The following FYTTD1 variants were observed in gnomAD, a reference collection of about 807,000 sequenced individuals.
FYTTD1 encodes the protein forty-two-three domain containing 1, also known as UAP56-interacting factor.
FYTTD1 carries 22 observed loss-of-function variants against 40.9 expected under a neutral mutation model. The observed-to-expected ratio is 0.54, with a 90% CI of 0.38 to 0.77. The LOEUF is 0.77. Ranked by LOEUF, FYTTD1 falls within the 30% of genes least tolerant of loss-of-function variation. The pLI is 0.00. For missense variants in FYTTD1, 351 were observed against 392.2 expected (o/e 0.90, Z 0.89); for synonymous variants, 140 against 137.9 (o/e 1.01, Z -0.10).
At chr3:197,765,553 A>T (rs906605507) in intron 2 of FYTTD1, among the ~76,000 whole-genome samples, 1 of 152,052 alleles carries the variant, frequency 6.6e-6, no homozygotes, top group East Asian at 1.9e-4. Flanking sequence ...GGGCAGCAAT[A>T]ATTTGATTTA....
At chr3:197,756,286 A>AT (rs1729211419) in intron 1 of FYTTD1, 140 bp from the exon 2 acceptor site, 1 of 663,382 alleles carries the variant, frequency 1.5e-6, no homozygotes, top group Admixed American at 2.8e-5. Flanking sequence ...AAAATGGCTG[A>AT]TTCTTGTTAT....
Position 197,750,092 on chromosome 3 carries a change from A to G in FYTTD1, c.103+18A>G. The G allele has an allele frequency of 6.5e-7, 1 of 1,543,758 alleles. No individual in the cohort carries two copies. Among genetic ancestry groups the G allele is most frequent in the Non-Finnish European group, 8.8e-7 (1 of 1,141,038 alleles). ...GTCTTTGGGTGAGGGGCCGAGTTGG[A>G]CCGAGTTGGAGTGCGGGGGAGGGCG... On this transcript the variant is annotated intron_variant, in intron 1 of 8. Transcript: ENST00000241502.
intron 6 of FYTTD1, 43 bp downstream of exon 6, chr3:197,774,253 C>G: frequency 6.8e-7 from 1 of 1,467,378 alleles, no homozygotes; most frequent in African/African-American, 1.4e-5. Context: ...TCAAAACTCC[C>G]AGAATACTAA....
chr3:197,774,492 G>C (rs1053330464), intron 6 of FYTTD1, among the ~76,000 whole-genome samples: 2 of 148,778 alleles, frequency 1.3e-5, no homozygotes, highest in African/African-American at 5.0e-5. Flanking sequence ...CGATGCCACT[G>C]CACACCAGCC....
intron 2 of FYTTD1, among the ~76,000 whole-genome samples, chr3:197,761,613 G>C (rs568028184): frequency 2.0e-5 from 3 of 152,324 alleles, no homozygotes; most frequent in African/African-American, 7.2e-5. Context: ...AGAATGTATA[G>C]AGTTGTTCTT....
rs1730127302 is a variant in FYTTD1 at position 197,785,170 on chromosome 3, T to C, written c.*3261T>C. 1 of 152,236 alleles carries C rather than the reference T, an allele frequency of 6.6e-6. No individual in the cohort carries two copies. Among genetic ancestry groups the C allele is most frequent in the African/African-American group, 2.4e-5 (1 of 41,466 alleles). 9.4% of individuals were successfully genotyped at this position (152,236 alleles called of 1,614,324 possible). A position where few individuals can be genotyped will look rare whatever the true frequency, so the allele number is the denominator to read the frequency against. On this transcript the variant is annotated 3_prime_UTR_variant, in exon 9 of 9. Transcript: ENST00000241502. ...ACCTGTTAGAAAAGTCCAGTGTTCC[T>C]AATCAGATATGCATTTTTTAAAAAC...
At chr3:197,769,842 C>A (rs1413284466) in intron 3 of FYTTD1, among the ~76,000 whole-genome samples, 1 of 151,858 alleles carries the variant, frequency 6.6e-6, no homozygotes, top group African/African-American at 2.4e-5. Flanking sequence ...CCCTGAGCAC[C>A]TCACATATTT....
upstream of FYTTD1, chr3:197,749,823 C>A: frequency 2.1e-6 from 1 of 487,290 alleles, no homozygotes; most frequent in Non-Finnish European, 3.5e-6. Context: ...TCGGTGGCCC[C>A]GCCCCGCCCG....
At chr3:197,769,949 G>A (rs1729667493) in intron 3 of FYTTD1, among the ~76,000 whole-genome samples, 183 bp from the exon 4 acceptor site, 1 of 152,140 alleles carries the variant, frequency 6.6e-6, no homozygotes, top group African/African-American at 2.4e-5. Context: ...TAAATATAAT[G>A]TGGGGTTTTC....
rs755018269 is a variant in FYTTD1 at position 197,786,892 on chromosome 3, G to T, written c.*4983G>T. The stretch of plus-strand genomic sequence containing the variant: ...GCCTCTGCCTCCCAGGATCCTTTCC[G>T]GGTTCAAGCAATTCTTGTCCCTCAG... On this transcript the variant is annotated 3_prime_UTR_variant, in exon 9 of 9. Transcript: ENST00000241502. 1 of 150,302 alleles carries T rather than the reference G, an allele frequency of 6.7e-6. No homozygotes were observed. The highest frequency in any genetic ancestry group is 1.5e-5 in the Non-Finnish European group (1 of 67,658). The allele number at this position is 150,302 out of a possible 1,614,324, so 9.3% of individuals were successfully genotyped here.
chr3:197,760,359 A>G (rs972677906), intron 2 of FYTTD1, among the ~76,000 whole-genome samples: 1 of 152,160 alleles, frequency 6.6e-6, no homozygotes, highest in African/African-American at 2.4e-5. Flanking sequence ...GGTAGAATGT[A>G]TAGAGTGTTC....
intron 2 of FYTTD1, among the ~76,000 whole-genome samples, chr3:197,764,697 A>G (rs1442185706): frequency 1.6e-4 from 14 of 87,260 alleles, no homozygotes; most frequent in Admixed American, 1.5e-3. Flanking sequence ...TGACAGAGCG[A>G]GAGTCCGTCC....
At chr3:197,765,165 T>G (rs1436918224) in intron 2 of FYTTD1, among the ~76,000 whole-genome samples, 1 of 152,190 alleles carries the variant, frequency 6.6e-6, no homozygotes, top group Non-Finnish European at 1.5e-5. Context: ...ATTTCATACT[T>G]AAGATCTTGT....
At chr3:197,766,090 G>C (rs558513230) in intron 2 of FYTTD1, among the ~76,000 whole-genome samples, 12 of 151,506 alleles carry the variant, frequency 7.9e-5, no homozygotes, top group African/African-American at 2.7e-4. Flanking sequence ...TTGAACCCAG[G>C]AGGTGGAGGT....
At chr3:197,763,018 G>A (rs1163221648) in intron 2 of FYTTD1, among the ~76,000 whole-genome samples, 1 of 152,112 alleles carries the variant, frequency 6.6e-6, no homozygotes, top group African/African-American at 2.4e-5. Context: ...TAAAATAAAA[G>A]TTAAAATTTG....
At chr3:197,777,068 G>A in intron 7 of FYTTD1, 67 bp downstream of exon 7, 1 of 946,936 alleles carries the variant, frequency 1.1e-6, no homozygotes, top group South Asian at 1.4e-5. Context: ...AGAAAGTATT[G>A]GACTTCTGCT....
Position 197,774,169 on chromosome 3 carries a change from A to G in FYTTD1, c.615A>G (p.Thr205=), listed in dbSNP as rs760034942. 2 of 1,614,096 alleles carry G rather than the reference A, an allele frequency of 1.2e-6. No homozygotes were observed. Among genetic ancestry groups the G allele is most frequent in the Non-Finnish European group, 1.7e-6 (2 of 1,179,904 alleles). ...TTCAGGTGCAGGCCCAGTTGAATAC[A>G]GAACAACTGCTAGACGATGTAGTAG... ...RGLKVQAQLN[T]EQLLDDVVAK... Residue 205 remains threonine (T), a synonymous_variant, in exon 6 of 9, where the codon ACA becomes ACG. Coordinates refer to ENST00000241502, the MANE Select transcript of FYTTD1 (RefSeq NM_032288.7).
chr3:197,756,546 A>G lies in FYTTD1; in HGVS notation c.224A>G (p.Gln75Arg). The change falls in exon 2 of 9, where the codon CAA becomes CGA. Residue 75 changes from glutamine to arginine, a missense_variant. Physicochemically the swap from Gln to Arg is conservative, Grantham distance 43. Coordinates refer to ENST00000241502, the MANE Select transcript of FYTTD1 (RefSeq NM_032288.7). Reference protein sequence around the residue: ...QFRMRVRWGIQQNSGFGKTSL... With the variant: ...QFRMRVRWGIRQNSGFGKTSL... The stretch of plus-strand genomic sequence containing the variant: ...AGGATGAGAGTGCGATGGGGAATCC[A>G]ACAGAATTCTGGTAAGTTTTGAAAG... 1 of 1,613,796 alleles carries G rather than the reference A, an allele frequency of 6.2e-7. No individual in the cohort carries two copies. The highest frequency in any genetic ancestry group is 1.3e-5 in the African/African-American group (1 of 75,050).
intron 6 of FYTTD1, among the ~76,000 whole-genome samples, chr3:197,775,666 C>T (rs1729855274): frequency 6.6e-6 from 1 of 152,110 alleles, no homozygotes; most frequent in African/African-American, 2.4e-5. Flanking sequence ...TGGTCAGGGC[C>T]CAGATATGGT....
Sources: allele counts gnomAD v4.1 joint callset (sites outside exome capture counted in the v4.1 genomes callset), GRCh38; gene constraint gnomAD v4.1.1; transcripts MANE v1.5; gene names NCBI Gene and HGNC (gene_info 2026-07-23, HGNC 2026-07-21).